The following NF1 variants were observed in gnomAD, a reference collection of about 807,000 sequenced individuals.
NF1 encodes the protein neurofibromin 1.
NF1 carries 122 observed loss-of-function variants against 325.7 expected under a neutral mutation model. The ratio of observed to expected loss-of-function variants is 0.37; its 90% CI spans 0.32 to 0.44. The LOEUF (loss-of-function observed/expected upper bound fraction) is 0.44, where lower values mean the gene tolerates loss of function less well. NF1 is among the 20% of genes least tolerant of loss of function. The pLI is 1.00. For missense variants in NF1, 2,140 were observed against 3,415.4 expected, an observed-to-expected ratio of 0.63 and a Z score of 9.31; for synonymous variants, 1,091 against 1,186.0, an observed-to-expected ratio of 0.92 and a Z score of 1.65.
chr17:31,321,708 G>GA (rs1169214370), intron 36 of NF1: 1 of 109,978 alleles, frequency 9.1e-6, no homozygotes, highest in Non-Finnish European at 2.4e-5. Flanking sequence ...CATGTCACAG[G>GA]AGGGAAAAAA....
chr17:31,120,526 A>G (rs1363224112), intron 1 of NF1, among the ~76,000 whole-genome samples: 1 of 152,194 alleles, frequency 6.6e-6, no homozygotes, highest in Non-Finnish European at 1.5e-5. Context: ...AGGGTTTTCT[A>G]AATATACAGT....
rs886052800 is a variant in NF1 at position 31,229,409 on chromosome 17, A to G, written c.2794A>G (p.Met932Val). 5.6e-6 allele frequency: 9 copies of G among 1,613,790 alleles called. No individual in the cohort carries two copies. The highest frequency in any genetic ancestry group is 3.3e-5 in the Admixed American group (2 of 59,994). The change falls in exon 21 of 58, where the codon ATG becomes GTG. Residue 932 changes from methionine (M) to valine (V), a missense_variant. Physicochemically the swap from Met to Val is conservative, Grantham distance 21 (BLOSUM62 1). Coordinates refer to ENST00000358273, the MANE Select transcript of NF1 (RefSeq NM_001042492.3). ...AGAATTGAGTCCTGCTCTGTATCCA[A>G]TGCTATTTAACAAATTGAAGAATAC... ...GLELSPALYPMLFNKLKNTIS... is the reference protein window; with the variant it reads ...GLELSPALYPVLFNKLKNTIS...
intron 39 of NF1, 61 bp downstream of exon 39, chr17:31,330,559 C>A: frequency 7.7e-7 from 1 of 1,295,326 alleles, no homozygotes; most frequent in Non-Finnish European, 1.1e-6. Context: ...AAAGAAAACC[C>A]TTTCATTTCA....
intron 57 of NF1, among the ~76,000 whole-genome samples, chr17:31,372,140 GA>G (rs1464303893): frequency 1.3e-5 from 2 of 152,222 alleles, no homozygotes; most frequent in South Asian, 4.1e-4. Flanking sequence ...AATATATAAA[GA>G]AGAATAAAGT....
chr17:31,114,145 A>G (rs540737638), intron 1 of NF1, among the ~76,000 whole-genome samples: 1 of 152,358 alleles, frequency 6.6e-6, no homozygotes, highest in Non-Finnish European at 1.5e-5. Context: ...AAATATGTAT[A>G]GCTGCTGTAG....
intron 12 of NF1, among the ~76,000 whole-genome samples, chr17:31,210,353 C>T (rs1315360421): frequency 2.6e-5 from 4 of 152,112 alleles, no homozygotes; most frequent in Non-Finnish European, 5.9e-5. Context: ...GAGGCCGGGG[C>T]GGGCAGGTCA....
chr17:31,132,828 G>A (rs1488657082), intron 1 of NF1, among the ~76,000 whole-genome samples: 2 of 151,808 alleles, frequency 1.3e-5, no homozygotes, highest in Non-Finnish European at 2.9e-5. Context: ...CACCATGCCC[G>A]GCTAATTTTT....
At chr17:31,159,222 G>A (rs2065721037) in intron 3 of NF1, 129 bp downstream of exon 3, 6 of 688,864 alleles carry the variant, frequency 8.7e-6, no homozygotes, top group South Asian at 4.8e-5. Flanking sequence ...ATAAATATGA[G>A]TTTTGTTAAT....
In NF1 at chr17:31,182,513, G is replaced by A. The variant is rs1597659751; in HGVS notation, c.736G>A (p.Ala246Thr). The change falls in exon 8 of 58, where the codon GCA becomes ACA. Residue 246 changes from alanine to threonine, a missense_variant. Around this residue, in one of 10 missense-constraint regions of NF1, gnomAD observed 246 missense variants for 347.8 expected, o/e 0.71. Transcript: ENST00000358273. ...TTAATATATTTTTCATGCAGAATGT[G>A]CAGAAAAGCTATTTGACTTGGTGGA... ...QIPQTDMAECAEKLFDLVDGF... is the reference protein window; with the variant it reads ...QIPQTDMAECTEKLFDLVDGF... 6.2e-7 allele frequency: 1 copy of A among 1,613,916 alleles called. No individual in the cohort carries two copies. Among genetic ancestry groups the A allele is most frequent in the Non-Finnish European group, 8.5e-7 (1 of 1,179,858 alleles).
At chr17:31,225,273 C>G (rs1339176179) in intron 17 of NF1, 23 bp downstream of exon 17, 3 of 1,611,774 alleles carry the variant, frequency 1.9e-6, no homozygotes, top group African/African-American at 1.3e-5. Context: ...TGTACTTTTT[C>G]TGTATCATTT....
chr17:31,226,056 T>A (rs1315878163), intron 17 of NF1, among the ~76,000 whole-genome samples: 1 of 152,184 alleles, frequency 6.6e-6, no homozygotes, highest in Non-Finnish European at 1.5e-5. Context: ...TCCTCTTTTT[T>A]TGTCATTTCT....
At chr17:31,099,943 C>T (rs1393407798) in intron 1 of NF1, among the ~76,000 whole-genome samples, 1 of 151,262 alleles carries the variant, frequency 6.6e-6, no homozygotes, top group Non-Finnish European at 1.5e-5. Context: ...GTTCTGTATG[C>T]CCCACTGGTT....
chr17:31,182,209 T>C (rs1403047270), intron 7 of NF1, among the ~76,000 whole-genome samples: 1 of 152,222 alleles, frequency 6.6e-6, no homozygotes, highest in East Asian at 1.9e-4. Flanking sequence ...CTGTTCAGTC[T>C]TTGTTGCTTG....
chr17:31,272,510 T>G (rs2067919959), intron 36 of NF1: 1 of 152,270 alleles, frequency 6.6e-6, no homozygotes, highest in Admixed American at 6.5e-5. Flanking sequence ...GGGTCACTGC[T>G]CTATTCAGAC....
In NF1 at chr17:31,200,354, A is replaced by G. The variant is rs560249207; in HGVS notation, c.889-68A>G. The G allele has an allele frequency of 6.3e-5, 92 of 1,461,462 alleles. No individual in the cohort carries two copies. The South Asian group carries it at 9.5e-4, about 15-fold the overall frequency. The allele number at this position is 1,461,462 out of a possible 1,614,324, so 90.5% of individuals were successfully genotyped here. A position where few individuals can be genotyped will look rare whatever the true frequency, so the allele number is the denominator to read the frequency against. ...GTTTTAGAGGCTGTTAATTTGCTATAATATTAGCTACATCTGGAATAGAAG... is the reference window on the plus strand; with the variant it reads ...GTTTTAGAGGCTGTTAATTTGCTATGATATTAGCTACATCTGGAATAGAAG... On this transcript the variant is annotated intron_variant, in intron 8 of 57. Transcript: ENST00000358273.
chr17:31,362,381 C>T (rs2070420033), intron 57 of NF1: 2 of 980,720 alleles, frequency 2.0e-6, no homozygotes, highest in African/African-American at 3.5e-5. Flanking sequence ...TAGTTTTAGG[C>T]TCACAATATT....
chr17:31,141,309 G>GTT (rs74267083), intron 1 of NF1, among the ~76,000 whole-genome samples: 2 of 132,628 alleles, frequency 1.5e-5, no homozygotes, highest in Admixed American at 7.5e-5. Context: ...TGTTAATCTT[G>GTT]TTTTTTTTTT....
Position 31,318,784 on chromosome 17 carries a change from A to G in NF1, c.4836-7036A>G, listed in dbSNP as rs995885414. The G allele has an allele frequency of 3.1e-6, 5 of 1,613,908 alleles. No homozygotes were observed. The African/African-American group carries it at 4.0e-5, about 13-fold the overall frequency. On this transcript the variant is annotated intron_variant, in intron 36 of 57. Transcript: ENST00000358273. Reference sequence around the variant, plus strand: ...AGCTACGATGTGAGATGTTTCAGGCATGTTTGTAGAATTACCTTTATAATC... The same window carrying G: ...AGCTACGATGTGAGATGTTTCAGGCGTGTTTGTAGAATTACCTTTATAATC...
chr17:31,313,567 G>A (rs191245612), intron 36 of NF1, among the ~76,000 whole-genome samples: 17 of 152,020 alleles, frequency 1.1e-4, no homozygotes, highest in Non-Finnish European at 1.6e-4. Context: ...TTAGCCAGGC[G>A]TGGTGGTGGG....
Sources: gnomAD v4.1 joint callset for allele counts (sites outside exome capture counted in the v4.1 genomes callset) on GRCh38, gnomAD v4.1.1 for gene constraint, gnomAD v4.1.1 regional missense constraint, MANE v1.5 for transcripts, NCBI Gene and HGNC (gene_info 2026-07-23, HGNC 2026-07-21) for gene names.